Variants in UMAD1 observed in about 807,000 individuals in gnomAD.
The protein encoded by UMAD1 is UBAP1-MVB12-associated (UMA) domain containing 1.
A neutral mutation model predicts 6.1 loss-of-function variants in UMAD1; 8 were observed. The observed-to-expected ratio is 1.30, with a 90% CI of 0.76 to 2.35. The LOEUF (loss-of-function observed/expected upper bound fraction) is 2.35, where lower values mean the gene tolerates loss of function less well. Ranked by LOEUF, UMAD1 falls within the 30% of genes most tolerant of loss-of-function variation. The pLI is 0.00. For missense variants in UMAD1, 130 were observed against 78.4 expected (o/e 1.66, Z -2.49); for synonymous variants, 56 against 31.4 (o/e 1.78, Z -2.61).
At chr7:7,784,498 G>T (rs1014227790) in intron 2 of UMAD1, among the ~76,000 whole-genome samples, 4 of 149,582 alleles carry the variant, frequency 2.7e-5, no homozygotes, top group Non-Finnish European at 5.9e-5. Flanking sequence ...ACCATGCCCG[G>T]CTAATTTTTT....
At chr7:7,762,398 A>G (rs941198377) in intron 2 of UMAD1, among the ~76,000 whole-genome samples, 1 of 152,184 alleles carries the variant, frequency 6.6e-6, no homozygotes, top group African/African-American at 2.4e-5. Context: ...GTTTCTTGCT[A>G]ACATTCTTAC....
chr7:7,754,814 G>A (rs1216709525), intron 2 of UMAD1, among the ~76,000 whole-genome samples: 1 of 152,104 alleles, frequency 6.6e-6, no homozygotes, highest in Non-Finnish European at 1.5e-5. Context: ...ATGTGTACAT[G>A]TGGTGTGTCT....
chr7:7,752,670 A>T (rs1301771032), intron 2 of UMAD1, among the ~76,000 whole-genome samples: 1 of 152,128 alleles, frequency 6.6e-6, no homozygotes, highest in African/African-American at 2.4e-5. Context: ...TTAATTTCGT[A>T]TGTGGAAAAT....
chr7:7,653,667 T>C (rs1400610141), intron 1 of UMAD1, among the ~76,000 whole-genome samples: 1 of 152,236 alleles, frequency 6.6e-6, no homozygotes, highest in Non-Finnish European at 1.5e-5. Context: ...AGGTGAAGTC[T>C]GACGCTCCCA....
chr7:7,670,576 T>G (rs890493334), intron 1 of UMAD1, among the ~76,000 whole-genome samples: 1 of 152,112 alleles, frequency 6.6e-6, no homozygotes, highest in Non-Finnish European at 1.5e-5. Context: ...AACTCACCCC[T>G]CCCCAAGGCA....
chr7:7,809,391 G>T (rs1485334672), intron 3 of UMAD1, among the ~76,000 whole-genome samples: 2 of 151,812 alleles, frequency 1.3e-5, no homozygotes, highest in Non-Finnish European at 3.0e-5. Flanking sequence ...TGATTCTTTT[G>T]TTCATTTCTT....
chr7:7,646,198 C>T (rs185045307), intron 1 of UMAD1, among the ~76,000 whole-genome samples: 2 of 152,294 alleles, frequency 1.3e-5, no homozygotes, highest in African/African-American at 4.8e-5. Context: ...GAATTCTTGT[C>T]TAGCATCGAG....
intron 2 of UMAD1, among the ~76,000 whole-genome samples, chr7:7,727,404 A>AG (rs1323217272): frequency 6.6e-6 from 1 of 152,188 alleles, no homozygotes; most frequent in Admixed American, 6.5e-5. Context: ...GAATTATGTT[A>AG]GGCATAATTA....
At chr7:7,741,375 T>A (rs1355004716) in intron 2 of UMAD1, among the ~76,000 whole-genome samples, 1 of 151,722 alleles carries the variant, frequency 6.6e-6, no homozygotes, top group African/African-American at 2.4e-5. Flanking sequence ...ATCCAGACCA[T>A]CCTGGCTAAC....
intron 2 of UMAD1, among the ~76,000 whole-genome samples, chr7:7,685,051 A>G (rs1400194496): frequency 1.3e-5 from 2 of 152,158 alleles, no homozygotes; most frequent in African/African-American, 2.4e-5. Context: ...TTTCATATTT[A>G]TTTAAACTTT....
intron 2 of UMAD1, among the ~76,000 whole-genome samples, chr7:7,734,892 C>T (rs555520298): frequency 2.1e-4 from 32 of 152,116 alleles, no homozygotes; most frequent in African/African-American, 7.5e-4. Flanking sequence ...CTGCAATGCT[C>T]AGGAAATATC....
At chr7:7,681,563 TC>T (rs1779913057) in intron 2 of UMAD1, among the ~76,000 whole-genome samples, 1 of 152,134 alleles carries the variant, frequency 6.6e-6, no homozygotes, top group Non-Finnish European at 1.5e-5. Context: ...TGTAACCAGT[TC>T]CTATTCACGT....
chr7:7,863,249 T>C (rs1784147816), intron 3 of UMAD1, among the ~76,000 whole-genome samples: 1 of 152,242 alleles, frequency 6.6e-6, no homozygotes, highest in African/African-American at 2.4e-5. Flanking sequence ...CACTAACCTC[T>C]GAGCCTCAGA....
intron 1 of UMAD1, among the ~76,000 whole-genome samples, chr7:7,657,699 G>C (rs1409331754): frequency 6.6e-6 from 1 of 152,162 alleles, no homozygotes; most frequent in Non-Finnish European, 1.5e-5. Flanking sequence ...ATACCATGCT[G>C]TTTTGGTTAC....
intron 2 of UMAD1, among the ~76,000 whole-genome samples, chr7:7,753,688 A>G (rs1781721570): frequency 6.6e-6 from 1 of 152,166 alleles, no homozygotes; most frequent in South Asian, 2.1e-4. Flanking sequence ...TGGGGTGCTT[A>G]GGTTGCTTCC....
intron 2 of UMAD1, among the ~76,000 whole-genome samples, chr7:7,752,348 C>T (rs1220147847): frequency 1.3e-5 from 2 of 152,072 alleles, no homozygotes; most frequent in South Asian, 4.1e-4. Context: ...ACTTAAGTTT[C>T]TCTTGATTTA....
chr7:7,800,493 G>A (rs1336158153), intron 2 of UMAD1, among the ~76,000 whole-genome samples: 1 of 151,602 alleles, frequency 6.6e-6, no homozygotes, highest in East Asian at 1.9e-4. Flanking sequence ...TTTGGTACAT[G>A]AGTAAGTTCT....
At chr7:7,846,899 A>G (rs1583868901) in intron 3 of UMAD1, among the ~76,000 whole-genome samples, 3 of 68,534 alleles carry the variant, frequency 4.4e-5, no homozygotes, top group Admixed American at 2.0e-4. Flanking sequence ...CACTCTGGGG[A>G]CTGTGGTGGG....
At chr7:7,872,855 G>T (rs1784356113) in intron 3 of UMAD1, among the ~76,000 whole-genome samples, 1 of 152,100 alleles carries the variant, frequency 6.6e-6, no homozygotes, top group Non-Finnish European at 1.5e-5. Context: ...AGTTTGAGTG[G>T]GATGAGACTA....
Sources: gnomAD v4.1 joint callset for allele counts (sites outside exome capture counted in the v4.1 genomes callset) on GRCh38, gnomAD v4.1.1 for gene constraint, MANE v1.5 for transcripts, NCBI Gene and HGNC (gene_info 2026-07-23, HGNC 2026-07-21) for gene names.